The following ADNP variants were observed in gnomAD, a reference collection of about 807,000 sequenced individuals.
The protein encoded by ADNP is activity-dependent neuroprotector homeobox protein.
ADNP carries 4 observed loss-of-function variants against 84.9 expected under a neutral mutation model. The observed-to-expected ratio is 0.05, with a 90% CI of 0.02 to 0.11. The LOEUF is 0.11. Ranked by LOEUF, ADNP falls within the 10% of genes least tolerant of loss-of-function variation. ADNP has a pLI of 1.00. For synonymous variants in ADNP, 554 were observed against 468.1 expected, an observed-to-expected ratio of 1.18 and a Z score of -2.37; for missense variants, 1,132 against 1,326.0, an observed-to-expected ratio of 0.85 and a Z score of 2.27.
Position 50,891,793 on chromosome 20 carries a change from C to T in ADNP, c.2921G>A (p.Ser974Asn), listed in dbSNP as rs763707378. Reference protein sequence around the residue: ...EWKDGASPSESGPGSQQVSDF... With the variant: ...EWKDGASPSENGPGSQQVSDF... ...TGACACTTGTTGGGATCCAGGCCCACTCTCAGATGGAGAAGCACCGTCTTT... is the reference window on the plus strand; with the variant it reads ...TGACACTTGTTGGGATCCAGGCCCATTCTCAGATGGAGAAGCACCGTCTTT... The change falls in exon 6 of 6, where the codon AGT becomes AAT. Residue 974 changes from serine (S) to asparagine (N), a missense_variant. By Grantham distance (46) the Ser-to-Asn change is conservative. Around this residue, in one of 10 missense-constraint regions of ADNP, gnomAD observed 381 missense variants for 319.9 expected, o/e 1.19. Transcript: ENST00000621696. 1.2e-6 allele frequency: 2 copies of T among 1,614,086 alleles called. No individual in the cohort carries two copies. The highest frequency in any genetic ancestry group is 2.7e-5 in the African/African-American group (2 of 74,946).
chr20:50,925,333 T>C (rs957642169), intron 2 of ADNP, among the ~76,000 whole-genome samples: 1 of 150,710 alleles, frequency 6.6e-6, no homozygotes, highest in African/African-American at 2.5e-5. Flanking sequence ...TTGAGAAGCA[T>C]GATAATATGT....
At position 50,889,252 on chromosome 20, in the gene ADNP, T is replaced by C. The variant is rs1408867596; in HGVS notation, c.*2153A>G. ...CTGGACCCCAAGCCCCGTGGTGTCTTGTACAAGTCTCATTAGTCCTCCACG... is the reference window on the plus strand; with the variant it reads ...CTGGACCCCAAGCCCCGTGGTGTCTCGTACAAGTCTCATTAGTCCTCCACG... On this transcript the variant is annotated 3_prime_UTR_variant, in exon 6 of 6. Coordinates refer to ENST00000621696, the MANE Select transcript of ADNP (RefSeq NM_001282531.3). 1.3e-5 allele frequency: 2 copies of C among 152,180 alleles called. No individual in the cohort carries two copies. The highest frequency in any genetic ancestry group is 4.8e-5 in the African/African-American group (2 of 41,458). The allele number at this position is 152,180 out of a possible 1,614,324, so 9.4% of individuals were successfully genotyped here. A position where few individuals can be genotyped will look rare whatever the true frequency, so the allele number is the denominator to read the frequency against.
At chr20:50,923,497 A>AT (rs763666204) in intron 2 of ADNP, among the ~76,000 whole-genome samples, 7 of 151,192 alleles carry the variant, frequency 4.6e-5, no homozygotes, top group East Asian at 1.9e-4. Context: ...TTTTATTTGC[A>AT]TTTTTTTTGG....
At chr20:50,929,888 A>G (rs150912050) in intron 1 of ADNP, among the ~76,000 whole-genome samples, 1 of 152,272 alleles carries the variant, frequency 6.6e-6, no homozygotes, top group East Asian at 1.9e-4. Flanking sequence ...AGAAGTGTCC[A>G]GAGTAACTGG....
In ADNP at chr20:50,890,362, A is replaced by G. The variant is rs536821444; in HGVS notation, c.*1043T>C. On this transcript the variant is annotated 3_prime_UTR_variant, in exon 6 of 6. Coordinates refer to ENST00000621696, the MANE Select transcript of ADNP (RefSeq NM_001282531.3). ...CAAATATTTACATTAAGCACAATAC[A>G]GCAATTTATTTAGATGCTTAAAATG... 6.5e-6 allele frequency: 1 copy of G among 152,974 alleles called. No homozygotes were observed. Among genetic ancestry groups the G allele is most frequent in the South Asian group, 2.1e-4 (1 of 4,834 alleles). 9.5% of individuals were successfully genotyped at this position (152,974 alleles called of 1,614,324 possible).
intron 2 of ADNP, among the ~76,000 whole-genome samples, chr20:50,920,466 G>A (rs924218113): frequency 2.7e-5 from 4 of 150,858 alleles, no homozygotes; most frequent in Non-Finnish European, 5.9e-5. Flanking sequence ...TGTAATCCCA[G>A]CTACTCGGGA....
chr20:50,907,913 C>T (rs1008899956), intron 2 of ADNP, among the ~76,000 whole-genome samples: 3 of 152,060 alleles, frequency 2.0e-5, no homozygotes, highest in Admixed American at 6.5e-5. Flanking sequence ...TGTATGTTCA[C>T]ATTAACTCAG....
At chr20:50,916,130 TAGG>T (rs1371285428) in intron 2 of ADNP, among the ~76,000 whole-genome samples, 5 of 152,196 alleles carry the variant, frequency 3.3e-5, no homozygotes, top group African/African-American at 1.2e-4. Flanking sequence ...TTTCTTTAGT[TAGG>T]AGTGTAAATT....
rs4407306 is a variant in ADNP at position 50,899,033 on chromosome 20, G to T, written c.201+2984C>A. ...ATACAGTTGACTCTTCAACAACATA[G>T]GTTTGAACTGCTTATATGTGGATTT... On this transcript the variant is annotated intron_variant, in intron 5 of 5. Transcript: ENST00000621696. Among the ~76,000 whole-genome samples, 3 of 152,142 alleles carry T rather than the reference G, an allele frequency of 2.0e-5. No individual in the cohort carries two copies. In the East Asian group the frequency reaches 5.8e-4, roughly 29 times the overall value.
At chr20:50,912,214 T>C (rs1433579795) in intron 2 of ADNP, among the ~76,000 whole-genome samples, 3 of 152,188 alleles carry the variant, frequency 2.0e-5, no homozygotes, top group Admixed American at 2.0e-4. Flanking sequence ...TGGCATAATC[T>C]CAGCTCACTG....
intron 2 of ADNP, among the ~76,000 whole-genome samples, chr20:50,914,630 A>G: frequency 6.6e-6 from 1 of 152,264 alleles, no homozygotes; most frequent in East Asian, 1.9e-4. Context: ...TTGTATACTG[A>G]ATTTCGGCTA....
chr20:50,891,150 C>T lies in ADNP; in HGVS notation c.*255G>A. 1 of 1,261,594 alleles carries T rather than the reference C, an allele frequency of 7.9e-7. No individual in the cohort carries two copies. The highest frequency in any genetic ancestry group is 9.9e-7 in the Non-Finnish European group (1 of 1,005,092). 78.1% of individuals were successfully genotyped at this position (1,261,594 alleles called of 1,614,324 possible). ...GCAGATAAAATAAACCTCTGCTTTT[C>T]CTCGTGTGTATTCATGAGTCACCAG... On this transcript the variant is annotated 3_prime_UTR_variant, in exon 6 of 6. Coordinates refer to ENST00000621696, the MANE Select transcript of ADNP (RefSeq NM_001282531.3).
In ADNP at chr20:50,892,094, T is replaced by G; in HGVS notation, c.2620A>C (p.Ser874Arg). 2 of 1,614,180 alleles carry G rather than the reference T, an allele frequency of 1.2e-6. No homozygotes were observed. The highest frequency in any genetic ancestry group is 2.2e-5 in the South Asian group (2 of 91,080). ...AAATTTTCAAAACTGTCTGAGGAAC[T>G]GTCATCTTCCTTCCCAAGGTTGAGC... The part of the protein sequence containing the change: ...KKLNLGKEDD[S>R]SSDSFENLEE... The change falls in exon 6 of 6, where the codon AGT becomes CGT. Residue 874 changes from serine (S) to arginine (R), a missense_variant. By Grantham distance (110) the Ser-to-Arg change is moderately radical. Transcript: ENST00000621696.
chr20:50,900,124 C>T (rs894848645), intron 5 of ADNP, among the ~76,000 whole-genome samples: 52 of 152,210 alleles, frequency 3.4e-4, no homozygotes, highest in Admixed American at 1.1e-3. Context: ...CTTCCAGTCC[C>T]GCAAGTGCCC....
chr20:50,914,332 GA>G, intron 2 of ADNP: 1 of 673,398 alleles, frequency 1.5e-6, no homozygotes. Flanking sequence ...GAATAAAGAA[GA>G]AAAGAAACCC....
At chr20:50,904,180 TATCC>T (rs1171564648) in intron 3 of ADNP, 179 bp from the exon 4 acceptor site, 6 of 586,184 alleles carry the variant, frequency 1.0e-5, no homozygotes, top group South Asian at 2.0e-5. Context: ...TGGCTTGATA[TATCC>T]ATCCATCCAT....
chr20:50,907,373 TCTC>T (rs1357197252), intron 2 of ADNP, among the ~76,000 whole-genome samples: 1 of 142,486 alleles, frequency 7.0e-6, no homozygotes, highest in Non-Finnish European at 1.6e-5. Flanking sequence ...CTCAAGCAAT[TCTC>T]CTTCCTCAAC....
At chr20:50,897,782 C>T (rs1981564302) in intron 5 of ADNP, among the ~76,000 whole-genome samples, 1 of 152,186 alleles carries the variant, frequency 6.6e-6, no homozygotes, top group Non-Finnish European at 1.5e-5. Flanking sequence ...TTAAAGGAGG[C>T]ATTTGCTTAT....
chr20:50,917,773 C>T (rs535424938), intron 2 of ADNP, among the ~76,000 whole-genome samples: 1 of 152,264 alleles, frequency 6.6e-6, no homozygotes, highest in African/African-American at 2.4e-5. Flanking sequence ...TCAATATTCT[C>T]AGCAGTATTA....
Sources: gnomAD v4.1 joint callset for allele counts (sites outside exome capture counted in the v4.1 genomes callset) on GRCh38, gnomAD v4.1.1 for gene constraint, gnomAD v4.1.1 regional missense constraint, MANE v1.5 for transcripts, NCBI Gene and HGNC (gene_info 2026-07-23, HGNC 2026-07-21) for gene names.